USH2A: variants seen among roughly 807,000 people sequenced by gnomAD.
USH2A encodes Usher syndrome 2A (autosomal recessive, mild).
USH2A carries 443 observed loss-of-function variants against 538.9 expected under a neutral mutation model. That is an observed-to-expected ratio of 0.82 (90% CI 0.76 to 0.89). The LOEUF is 0.89. USH2A is among the 40% of genes least tolerant of loss of function. USH2A has a pLI of 0.00. For synonymous variants in USH2A, 2,413 were observed against 2,273.5 expected, an observed-to-expected ratio of 1.06 and a Z score of -1.75; for missense variants, 6,633 against 6,324.8, an observed-to-expected ratio of 1.05 and a Z score of -1.65.
chr1:216,338,833 G>A (rs1457422579), intron 4 of USH2A, among the ~76,000 whole-genome samples: 1 of 151,466 alleles, frequency 6.6e-6, no homozygotes, highest in African/African-American at 2.4e-5. Flanking sequence ...AAATAAGGGA[G>A]TATTTTATAC....
Position 215,867,122 on chromosome 1 carries a change from A to T in USH2A, c.8730T>A (p.Phe2910Leu), listed in dbSNP as rs373811292. ...TCACAGTCACTTCTCGGCTCGGTGT[A>T]AAACCCACACTGTTGTGTACGAAGA... ...YMLFVHNSVG[F>L]TPSREVTVTT... The change falls in exon 44 of 72, where the codon TTT becomes TTA. Residue 2910 changes from phenylalanine (F) to leucine (L), a missense_variant. Coordinates refer to ENST00000307340, the MANE Select transcript of USH2A (RefSeq NM_206933.4). 3 of 1,614,078 alleles carry T rather than the reference A, an allele frequency of 1.9e-6. No homozygotes were observed. The highest frequency in any genetic ancestry group is 2.5e-6 in the Non-Finnish European group (3 of 1,180,020).
At chr1:215,932,941 T>G (rs1210121834) in intron 38 of USH2A, among the ~76,000 whole-genome samples, 2 of 152,026 alleles carry the variant, frequency 1.3e-5, no homozygotes, top group South Asian at 4.1e-4. Flanking sequence ...AGTAGGACCT[T>G]GCTATTTTTA....
intron 47 of USH2A, among the ~76,000 whole-genome samples, chr1:215,827,269 A>G (rs2102805744): frequency 6.6e-6 from 1 of 152,248 alleles, no homozygotes; most frequent in Non-Finnish European, 1.5e-5. Context: ...CAAAACAATG[A>G]ATGTTTAGAG....
chr1:216,125,389 G>T (rs2033230818), intron 21 of USH2A, among the ~76,000 whole-genome samples: 1 of 152,046 alleles, frequency 6.6e-6, no homozygotes, highest in Non-Finnish European at 1.5e-5. Flanking sequence ...GCTCCAATCT[G>T]CCATGTTCTA....
intron 21 of USH2A, among the ~76,000 whole-genome samples, chr1:216,102,669 G>A (rs1267181519): frequency 1.3e-5 from 2 of 152,054 alleles, no homozygotes; most frequent in East Asian, 1.9e-4. Context: ...GCGTCGTGGC[G>A]GGCGCCTGTA....
intron 21 of USH2A, among the ~76,000 whole-genome samples, chr1:216,135,083 C>T (rs2033453796): frequency 6.6e-6 from 1 of 151,214 alleles, no homozygotes; most frequent in Admixed American, 6.6e-5. Flanking sequence ...ACCACTGCTA[C>T]AGTTATGCAA....
intron 64 of USH2A, among the ~76,000 whole-genome samples, chr1:215,663,484 T>G (rs1657507997): frequency 6.6e-6 from 1 of 152,194 alleles, no homozygotes; most frequent in Non-Finnish European, 1.5e-5. Flanking sequence ...ATTGTCAATA[T>G]CTCACAGGTG....
chr1:215,970,060 AATATAG>A (rs1667453898), intron 36 of USH2A, among the ~76,000 whole-genome samples: 1 of 152,328 alleles, frequency 6.6e-6, no homozygotes, highest in Non-Finnish European at 1.5e-5. Flanking sequence ...CTGCTAATGA[AATATAG>A]ATATACATTT....
intron 21 of USH2A, among the ~76,000 whole-genome samples, chr1:216,127,565 T>C (rs574766806): frequency 6.6e-6 from 1 of 152,276 alleles, no homozygotes; most frequent in African/African-American, 2.4e-5. Flanking sequence ...ATTGCTGGCG[T>C]TTATACAGAG....
At chr1:215,706,450 G>T (rs1303080521) in intron 61 of USH2A, among the ~76,000 whole-genome samples, 2 of 152,092 alleles carry the variant, frequency 1.3e-5, no homozygotes, top group Non-Finnish European at 2.9e-5. Flanking sequence ...TTGGCCATAA[G>T]TCAGGAAAAG....
intron 18 of USH2A, 129 bp from the exon 19 acceptor site, chr1:216,196,851 A>T (rs144250451): frequency 2.6e-5 from 30 of 1,148,824 alleles, no homozygotes; most frequent in Admixed American, 8.1e-5. Context: ...GCTTTGAAAA[A>T]GTCCAAGAAT....
intron 11 of USH2A, among the ~76,000 whole-genome samples, chr1:216,276,235 T>A (rs1376612532): frequency 1.3e-5 from 2 of 152,194 alleles, no homozygotes; most frequent in African/African-American, 2.4e-5. Context: ...TTTTTGTACA[T>A]GACGAGTGCA....
chr1:215,890,953 A>AT (rs977942970), intron 40 of USH2A, among the ~76,000 whole-genome samples: 1 of 152,032 alleles, frequency 6.6e-6, no homozygotes, highest in African/African-American at 2.4e-5. Flanking sequence ...AAATCAGAAT[A>AT]TTTTTTATTA....
chr1:215,814,054 C>G (rs1662785425), intron 48 of USH2A, 150 bp from the exon 49 acceptor site: 2 of 929,206 alleles, frequency 2.2e-6, no homozygotes, highest in Admixed American at 4.8e-5. Context: ...ATGTATTTTC[C>G]AGGATCATTC....
chr1:216,078,239 C>T lies in USH2A; in HGVS notation c.5422G>A (p.Glu1808Lys). ...ACACTTGCTGATATGAAAGAGCCTTCCTTTTTAATAATGACTTTATTCCAC... is the reference window on the plus strand; with the variant it reads ...ACACTTGCTGATATGAAAGAGCCTTTCTTTTTAATAATGACTTTATTCCAC... The part of the protein sequence containing the change: ...GKWNKVIIKK[E>K]GSFISASVNG... The change falls in exon 27 of 72, where the codon GAA (glutamate) becomes AAA (lysine). Residue 1808 changes from glutamate (E) to lysine (K), a missense_variant. Glu to Lys is a moderately conservative substitution (Grantham distance 56). Coordinates refer to ENST00000307340, the MANE Select transcript of USH2A (RefSeq NM_206933.4). 1 of 1,613,886 alleles carries T rather than the reference C, an allele frequency of 6.2e-7. No individual in the cohort carries two copies.
intron 33 of USH2A, among the ~76,000 whole-genome samples, chr1:215,999,508 T>C (rs1296097994): frequency 6.6e-6 from 1 of 152,204 alleles, no homozygotes; most frequent in Non-Finnish European, 1.5e-5. Context: ...GCAGGACTTC[T>C]TGAATGAAGT....
At position 216,321,870 on chromosome 1, in the gene USH2A, A is replaced by C. The variant is rs1452858532; in HGVS notation, c.1644+13T>G. The C allele has an allele frequency of 6.2e-7, 1 of 1,611,040 alleles. No individual in the cohort carries two copies. The highest frequency in any genetic ancestry group is 8.5e-7 in the Non-Finnish European group (1 of 1,177,388). On this transcript the variant is annotated intron_variant, in intron 9 of 71. Coordinates refer to ENST00000307340, the MANE Select transcript of USH2A (RefSeq NM_206933.4). ...TTTTTTTTTTAGATTTCCATGCATA[A>C]AATAGAACTCACATGAAGTCCTTCA...
At position 216,005,002 on chromosome 1, in the gene USH2A, G is replaced by A. The variant is rs78483790; in HGVS notation, c.6326-4440C>T. On this transcript the variant is annotated intron_variant, in intron 32 of 71. Transcript: ENST00000307340. ...AAGAAAACAAGACCATTTACCATGA[G>A]TGATCTTTTGATTCTTCAGAGTAAC... is the stretch of plus-strand genomic sequence containing the variant. Among the ~76,000 whole-genome samples the A allele has an allele frequency of 8.0e-3, 1,225 of 152,244 alleles. 10 individuals are homozygous for A. Among genetic ancestry groups the A allele is most frequent in the Non-Finnish European group, 0.011 (758 of 67,998 alleles).
chr1:215,674,121 T>C lies in USH2A; in HGVS notation c.13790A>G (p.Asn4597Ser), dbSNP rs1437770561. 1 of 1,613,972 alleles carries C rather than the reference T, an allele frequency of 6.2e-7. No individual in the cohort carries two copies. Among genetic ancestry groups the C allele is most frequent in the Non-Finnish European group, 8.5e-7 (1 of 1,179,974 alleles). ...NSFGMQSYIV[N>S]QLKPFHRYEI... The stretch of plus-strand genomic sequence containing the variant: ...CTACCTGTGAAATGGCTTCAGCTGG[T>C]TTACTATATATGACTGCATACCAAA... Residue 4597 changes from asparagine (N) to serine (S), a missense_variant, in exon 63 of 72, where the codon AAC becomes AGC. By Grantham distance (46) the Asn-to-Ser change is conservative (BLOSUM62 1). Coordinates refer to ENST00000307340, the MANE Select transcript of USH2A (RefSeq NM_206933.4).
Sources: gnomAD v4.1 joint callset for allele counts (sites outside exome capture counted in the v4.1 genomes callset) on GRCh38, gnomAD v4.1.1 for gene constraint, MANE v1.5 for transcripts, NCBI Gene and HGNC (gene_info 2026-07-23, HGNC 2026-07-21) for gene names.